The following KIF11 variants were observed in gnomAD, a reference collection of about 807,000 sequenced individuals.
KIF11 encodes the protein kinesin family member 11, also known as kinesin-like protein KIF11.
Under a neutral mutation model 121.0 loss-of-function variants are expected in KIF11, and 9 were observed. The observed-to-expected ratio is 0.07, with a 90% CI of 0.04 to 0.13. The LOEUF (loss-of-function observed/expected upper bound fraction) is 0.13, where lower values mean the gene tolerates loss of function less well. Among genes scored for constraint, KIF11 ranks in the 10% least tolerant of loss-of-function variants. The probability of loss-of-function intolerance (pLI) is 1.00; values close to 1 mark genes in which losing one functional copy is unlikely to be tolerated. For synonymous variants in KIF11, 408 were observed against 421.0 expected, an observed-to-expected ratio of 0.97 and a Z score of 0.38; for missense variants, 846 against 1,217.5, an observed-to-expected ratio of 0.69 and a Z score of 4.54.
rs201414725 is a variant in KIF11 at position 92,606,729 on chromosome 10, G to T, written c.308+13G>T. 1 of 1,232,186 alleles carries T rather than the reference G, an allele frequency of 8.1e-7. No individual in the cohort carries two copies. 76.3% of individuals were successfully genotyped at this position (1,232,186 alleles called of 1,614,324 possible). A position where few individuals can be genotyped will look rare whatever the true frequency, so the allele number is the denominator to read the frequency against. The stretch of plus-strand genomic sequence containing the variant: ...GCACTATCTTTGCGTAAGTAAAAGG[G>T]TGTTTTTTCTGATTTATGAAAAAGC... On this transcript the variant is annotated intron_variant, in intron 3 of 21. Coordinates refer to ENST00000260731, the MANE Select transcript of KIF11 (RefSeq NM_004523.4).
At chr10:92,618,809 A>G (rs1844588497) in intron 9 of KIF11, among the ~76,000 whole-genome samples, 1 of 152,040 alleles carries the variant, frequency 6.6e-6, no homozygotes, top group South Asian at 2.1e-4. Context: ...GTTTTGTCAC[A>G]TGTATAGGTT....
intron 8 of KIF11, among the ~76,000 whole-genome samples, chr10:92,614,166 G>A (rs1182314264): frequency 1.3e-5 from 2 of 149,328 alleles, no homozygotes; most frequent in African/African-American, 5.0e-5. Flanking sequence ...ACGCGATCTC[G>A]GCTCACTGCA....
intron 9 of KIF11, among the ~76,000 whole-genome samples, chr10:92,620,367 A>G (rs1844604971): frequency 2.0e-5 from 3 of 152,200 alleles, no homozygotes; most frequent in African/African-American, 7.2e-5. Context: ...GGCGTGAGCC[A>G]CCGCGTCCGG....
chr10:92,593,296 C>G lies in KIF11; in HGVS notation c.-80C>G, dbSNP rs993827553. ...CGAGAGGGACCAGGGAGACTCCGGC[C>G]CCTGTCGGCCGCCAAGCCCCTCCGC... On this transcript the variant is annotated 5_prime_UTR_variant, in exon 1 of 22. Coordinates refer to ENST00000260731, the MANE Select transcript of KIF11 (RefSeq NM_004523.4). The G allele has an allele frequency of 8.3e-6, 12 of 1,440,580 alleles. No homozygotes were observed. The highest frequency in any genetic ancestry group is 1.0e-5 in the Non-Finnish European group (11 of 1,054,876). 89.2% of individuals were successfully genotyped at this position (1,440,580 alleles called of 1,614,324 possible). A position where few individuals can be genotyped will look rare whatever the true frequency, so the allele number is the denominator to read the frequency against.
At chr10:92,653,526 A>G in intron 21 of KIF11, 139 bp from the exon 22 acceptor site, 1 of 680,702 alleles carries the variant, frequency 1.5e-6, no homozygotes, top group Admixed American at 3.0e-5. Flanking sequence ...TGTTGGCTCA[A>G]ACTTGTGCTG....
At chr10:92,634,757 C>G (rs1844779613) in intron 14 of KIF11, among the ~76,000 whole-genome samples, 1 of 152,138 alleles carries the variant, frequency 6.6e-6, no homozygotes, top group African/African-American at 2.4e-5. Flanking sequence ...CACATGATAT[C>G]AAGGGACTTG....
intron 1 of KIF11, among the ~76,000 whole-genome samples, chr10:92,596,234 A>T (rs560261325): frequency 1.3e-5 from 2 of 152,214 alleles, no homozygotes; most frequent in East Asian, 3.9e-4. Context: ...CCATCTCCTG[A>T]CCTTGTGATC....
In KIF11 at chr10:92,616,795, A is replaced by C; in HGVS notation, c.1091A>C (p.Glu364Ala). The change falls in exon 9 of 22, where the codon GAA becomes GCA. Residue 364 changes from glutamate to alanine, a missense_variant. Around this residue, in one of 5 missense-constraint regions of KIF11, gnomAD observed 116 missense variants for 285.3 expected, o/e 0.41. Coordinates refer to ENST00000260731, the MANE Select transcript of KIF11 (RefSeq NM_004523.4). ...GCAAAGAACATATTGAATAAGCCTG[A>C]AGTGAATCAGAAACTCACCAAAAAA... ...HRAKNILNKP[E>A]VNQKLTKKAL... 2 of 1,606,076 alleles carry C rather than the reference A, an allele frequency of 1.2e-6. No homozygotes were observed. The highest frequency in any genetic ancestry group is 1.7e-6 in the Non-Finnish European group (2 of 1,175,746).
At chr10:92,618,339 A>G (rs541530394) in intron 9 of KIF11, among the ~76,000 whole-genome samples, 1 of 151,160 alleles carries the variant, frequency 6.6e-6, no homozygotes, top group Admixed American at 6.6e-5. Flanking sequence ...ACATGCAGTT[A>G]TAAGAAATAA....
rs763147264 is a variant in KIF11 at position 92,621,432 on chromosome 10, C to T, written c.1176C>T (p.Ala392=). The part of the protein sequence containing the change: ...IERLKRDLAA[A]REKNGVYISE... Reference sequence around the variant, plus strand: ...GTTTAAAACGAGATCTTGCTGCAGCCCGTGAGAAAAATGGAGTGTATATTT... The same window carrying T: ...GTTTAAAACGAGATCTTGCTGCAGCTCGTGAGAAAAATGGAGTGTATATTT... Residue 392 remains alanine, a synonymous_variant, in exon 10 of 22, where the codon GCC becomes GCT. Transcript: ENST00000260731. 1.9e-6 allele frequency: 3 copies of T among 1,613,040 alleles called. No homozygotes were observed. Among genetic ancestry groups the T allele is most frequent in the Non-Finnish European group, 1.7e-6 (2 of 1,179,338 alleles).
chr10:92,603,267 T>C lies in KIF11; in HGVS notation c.78-2998T>C, dbSNP rs569875192. On this transcript the variant is annotated intron_variant, in intron 1 of 21. Coordinates refer to ENST00000260731, the MANE Select transcript of KIF11 (RefSeq NM_004523.4). ...TAAACTGCTTTCTTTTCTTTTCTTT[T>C]TTTTTTTTTTTTTTTGAGACAGAGT... Among the ~76,000 whole-genome samples, 876 of 141,858 alleles carry C rather than the reference T, an allele frequency of 6.2e-3. 12 individuals carry two copies. The highest frequency in any genetic ancestry group is 5.8e-3 in the Non-Finnish European group (375 of 64,964). The allele number at this position is 141,858 out of a possible 152,430, so 93.1% of individuals were successfully genotyped here. A position where few individuals can be genotyped will look rare whatever the true frequency, so the allele number is the denominator to read the frequency against.
At chr10:92,601,263 C>T (rs886850792) in intron 1 of KIF11, among the ~76,000 whole-genome samples, 4 of 151,852 alleles carry the variant, frequency 2.6e-5, no homozygotes, top group African/African-American at 7.3e-5. Context: ...TGCAGTGGTG[C>T]AATCTCTGCT....
At chr10:92,624,978 C>T (rs1844656801) in intron 10 of KIF11, among the ~76,000 whole-genome samples, 1 of 152,032 alleles carries the variant, frequency 6.6e-6, no homozygotes, top group African/African-American at 2.4e-5. Context: ...CCATGTTGGC[C>T]AGGCTGGTCT....
chr10:92,650,927 T>C (rs1029416832), intron 21 of KIF11, among the ~76,000 whole-genome samples: 2 of 152,118 alleles, frequency 1.3e-5, no homozygotes, highest in Non-Finnish European at 2.9e-5. Flanking sequence ...TAGGTTATAT[T>C]AGTGATTTCT....
rs370109101 is a variant in KIF11 at position 92,605,015 on chromosome 10, TA to T, written c.78-1240del. On this transcript the variant is annotated intron_variant, in intron 1 of 21. Coordinates refer to ENST00000260731, the MANE Select transcript of KIF11 (RefSeq NM_004523.4). ...ATCTGAGGTTTAGTGGGTAACACAT[TA>T]AAAAAAAAAGATAAGAGAGGTGATG... 1.0e-2 allele frequency among the ~76,000 whole-genome samples: 1,474 copies of T among 147,620 alleles called. 13 individuals are homozygous for T. The highest frequency in any genetic ancestry group is 0.021 in the Admixed American group (313 of 14,750).
At chr10:92,628,631 C>A (rs1188954371) in intron 10 of KIF11, among the ~76,000 whole-genome samples, 177 bp from the exon 11 acceptor site, 2 of 152,074 alleles carry the variant, frequency 1.3e-5, no homozygotes, top group African/African-American at 4.8e-5. Context: ...ATAATTTGTT[C>A]TTTGTAATTT....
intron 1 of KIF11, among the ~76,000 whole-genome samples, chr10:92,605,955 G>T (rs1043144368): frequency 2.6e-5 from 4 of 152,186 alleles, no homozygotes; most frequent in African/African-American, 9.7e-5. Context: ...AGACCAGCCT[G>T]TGCAACACAG....
intron 1 of KIF11, among the ~76,000 whole-genome samples, chr10:92,598,923 A>C (rs555713347): frequency 6.6e-6 from 1 of 152,030 alleles, no homozygotes; most frequent in African/African-American, 2.4e-5. Flanking sequence ...GATTACAGGT[A>C]TGTGGCACCA....
intron 10 of KIF11, among the ~76,000 whole-genome samples, chr10:92,625,725 CAG>C (rs1844669408): frequency 6.6e-6 from 1 of 152,150 alleles, no homozygotes; most frequent in Non-Finnish European, 1.5e-5. Context: ...ACAATTTAAG[CAG>C]AGTTTCTGGA....
Sources: gnomAD v4.1 joint callset for allele counts (sites outside exome capture counted in the v4.1 genomes callset) on GRCh38, gnomAD v4.1.1 for gene constraint, gnomAD v4.1.1 regional missense constraint, MANE v1.5 for transcripts, NCBI Gene and HGNC (gene_info 2026-07-23, HGNC 2026-07-21) for gene names.